The following FLRT2 variants were observed in gnomAD, a reference collection of about 807,000 sequenced individuals.
FLRT2 encodes leucine-rich repeat transmembrane protein FLRT2.
A neutral mutation model predicts 40.0 loss-of-function variants in FLRT2; 15 were observed. The ratio of observed to expected loss-of-function variants is 0.38; its 90% CI spans 0.25 to 0.58. The LOEUF (loss-of-function observed/expected upper bound fraction) is 0.58. Ranked by LOEUF, FLRT2 falls within the 20% of genes least tolerant of loss-of-function variation. The probability of loss-of-function intolerance (pLI) is 0.71; values close to 1 mark genes in which losing one functional copy is unlikely to be tolerated. For synonymous variants in FLRT2, 380 were observed against 336.8 expected (o/e 1.13, Z -1.41); for missense variants, 726 against 840.0 (o/e 0.86, Z 1.68).
At chr14:85,617,842 C>T (rs1409494749) in intron 1 of FLRT2, among the ~76,000 whole-genome samples, 2 of 151,924 alleles carry the variant, frequency 1.3e-5, no homozygotes, top group Admixed American at 6.6e-5. Context: ...TTGTCATAGC[C>T]GATCAACACA....
rs1056374311 is a variant in FLRT2, at chr14:85,648,990, T to C, written c.*25493T>C. The C allele has an allele frequency of 2.0e-5, 3 of 152,172 alleles. No homozygotes were observed. Among genetic ancestry groups the C allele is most frequent in the Non-Finnish European group, 2.9e-5 (2 of 68,030 alleles). The allele number at this position is 152,172 out of a possible 1,614,324, so 9.4% of individuals were successfully genotyped here. On this transcript the variant is annotated 3_prime_UTR_variant, in exon 2 of 2. Coordinates refer to ENST00000330753, the MANE Select transcript of FLRT2 (RefSeq NM_013231.6). ...ATAATTTACCAATTCCTTTGCATCATAGCACCCATGCAAAATATTTTGGCT... is the reference window on the plus strand; with the variant it reads ...ATAATTTACCAATTCCTTTGCATCACAGCACCCATGCAAAATATTTTGGCT...
At chr14:85,590,215 G>A (rs7494686) in intron 1 of FLRT2, among the ~76,000 whole-genome samples, 112,502 of 151,910 alleles carry the variant, frequency 0.74, 43,143 homozygotes, top group East Asian at 0.93. Context: ...TGTCTCCAAC[G>A]TTGCCAAATT....
In FLRT2 at chr14:85,651,277, G is replaced by C. The variant is rs1566776608; in HGVS notation, c.*27780G>C. ...TTCGTTTGTTTGTGTGTGTGTGTGT[G>C]TGTGTGTGTGTGTATTTGTTGTGAT... On this transcript the variant is annotated 3_prime_UTR_variant, in exon 2 of 2. Coordinates refer to ENST00000330753, the MANE Select transcript of FLRT2 (RefSeq NM_013231.6). 6.6e-6 allele frequency: 1 copy of C among 151,914 alleles called. No homozygotes were observed. The highest frequency in any genetic ancestry group is 2.4e-5 in the African/African-American group (1 of 41,364). The allele number at this position is 151,914 out of a possible 1,614,324, so 9.4% of individuals were successfully genotyped here.
At chr14:85,591,783 T>A (rs991584578) in intron 1 of FLRT2, among the ~76,000 whole-genome samples, 1 of 152,210 alleles carries the variant, frequency 6.6e-6, no homozygotes, top group Admixed American at 6.5e-5. Context: ...GGCAACTAAA[T>A]GTTTCTTCTT....
chr14:85,581,008 A>G (rs956808114), intron 1 of FLRT2, among the ~76,000 whole-genome samples: 4 of 152,172 alleles, frequency 2.6e-5, no homozygotes, highest in Non-Finnish European at 4.4e-5. Context: ...CATGTTTTAT[A>G]TATTAGCTGG....
In FLRT2 at chr14:85,634,925, A is replaced by C. The variant is rs553324075; in HGVS notation, c.*11428A>C. On this transcript the variant is annotated 3_prime_UTR_variant, in exon 2 of 2. Transcript: ENST00000330753. ...ATCTCCCAAGTTACTTTGGACCTTA[A>C]ATTCTGTTTTATGGTTGTTCATTTT... The C allele has an allele frequency of 1.0e-3, 156 of 152,256 alleles. No individual in the cohort carries two copies. The highest frequency in any genetic ancestry group is 3.5e-3 in the African/African-American group (146 of 41,550). 9.4% of individuals were successfully genotyped at this position (152,256 alleles called of 1,614,324 possible). A position where few individuals can be genotyped will look rare whatever the true frequency, so the allele number is the denominator to read the frequency against.
In FLRT2 at chr14:85,559,268, T is replaced by G. The variant is rs147351987; in HGVS notation, c.-377+28734T>G. The G allele has an allele frequency of 8.5e-3, 1,293 of 152,296 alleles. 7 individuals carry two copies. Among genetic ancestry groups the G allele is most frequent in the Non-Finnish European group, 0.014 (977 of 68,046 alleles). 9.4% of individuals were successfully genotyped at this position (152,296 alleles called of 1,614,324 possible). On this transcript the variant is annotated intron_variant, in intron 1 of 1. Transcript: ENST00000330753. The stretch of plus-strand genomic sequence containing the variant: ...GCTATGATGGGGGAGGCTGTGTACA[T>G]TGCAGCCTGAAAACAGAGTAGAAGA...
rs1251468574 is a variant in FLRT2, at chr14:85,636,409, C to CAA, written c.*12917_*12918dup. The CAA allele has an allele frequency of 3.5e-5, 3 of 84,970 alleles. No individual in the cohort carries two copies. Among genetic ancestry groups the CAA allele is most frequent in the African/African-American group, 7.6e-5 (2 of 26,176 alleles). 5.3% of individuals were successfully genotyped at this position (84,970 alleles called of 1,614,324 possible). Reference sequence around the variant, plus strand: ...CCTGCAGAAAAAAAAAAAAAAAAAACAAAAAACATTCTTATTAATCTTAAC... The same window carrying CAA: ...CCTGCAGAAAAAAAAAAAAAAAAAACAAAAAAAACATTCTTATTAATCTTAAC... On this transcript the variant is annotated 3_prime_UTR_variant, in exon 2 of 2. Coordinates refer to ENST00000330753, the MANE Select transcript of FLRT2 (RefSeq NM_013231.6).
At chr14:85,536,905 G>A (rs1171488725) in intron 1 of FLRT2, among the ~76,000 whole-genome samples, 1 of 152,188 alleles carries the variant, frequency 6.6e-6, no homozygotes, top group African/African-American at 2.4e-5. Flanking sequence ...CCAATGAAGG[G>A]ATTGTACAGT....
At chr14:85,557,226 C>T (rs2139836887) in intron 1 of FLRT2, among the ~76,000 whole-genome samples, 1 of 150,338 alleles carries the variant, frequency 6.7e-6, no homozygotes, top group South Asian at 2.1e-4. Flanking sequence ...AAGGTAGAAG[C>T]TTAAAAAACA....
In FLRT2 at chr14:85,646,312, CA is replaced by C. The variant is rs1346545706; in HGVS notation, c.*22817del. 1 of 152,118 alleles carries C rather than the reference CA, an allele frequency of 6.6e-6. No individual in the cohort carries two copies. The highest frequency in any genetic ancestry group is 1.5e-5 in the Non-Finnish European group (1 of 68,024). 9.4% of individuals were successfully genotyped at this position (152,118 alleles called of 1,614,324 possible). A position where few individuals can be genotyped will look rare whatever the true frequency, so the allele number is the denominator to read the frequency against. Reference sequence around the variant, plus strand: ...AAGATGTATGATCTGAATTAGTGGCCAATACCTGGCCCTTTTTGTCTGTAGT... The same window carrying C: ...AAGATGTATGATCTGAATTAGTGGCCATACCTGGCCCTTTTTGTCTGTAGT... On this transcript the variant is annotated 3_prime_UTR_variant, in exon 2 of 2. Transcript: ENST00000330753.
rs780990732 is a variant in FLRT2, at chr14:85,626,821, C to G, written c.*3324C>G. ...TCCCTGAGGTTAAAAACAAAAAGTA[C>G]GTGACCAGTCTGGTAAGAAGTATTA... On this transcript the variant is annotated 3_prime_UTR_variant, in exon 2 of 2. Transcript: ENST00000330753. The G allele has an allele frequency of 1.2e-5, 2 of 167,086 alleles. No individual in the cohort carries two copies. Among genetic ancestry groups the G allele is most frequent in the Non-Finnish European group, 2.9e-5 (2 of 68,116 alleles). 10.4% of individuals were successfully genotyped at this position (167,086 alleles called of 1,614,324 possible). A position where few individuals can be genotyped will look rare whatever the true frequency, so the allele number is the denominator to read the frequency against.
chr14:85,584,166 T>G (rs527579662), intron 1 of FLRT2, among the ~76,000 whole-genome samples: 1 of 152,288 alleles, frequency 6.6e-6, no homozygotes, highest in East Asian at 1.9e-4. Context: ...ACCTCTCTGT[T>G]TAAGCACTGG....
chr14:85,539,989 G>A (rs1888891999), intron 1 of FLRT2, among the ~76,000 whole-genome samples: 1 of 152,214 alleles, frequency 6.6e-6, no homozygotes, highest in East Asian at 1.9e-4. Context: ...CCATTTTAAG[G>A]ATAAATGATA....
At chr14:85,569,742 A>G (rs1288589810) in intron 1 of FLRT2, among the ~76,000 whole-genome samples, 1 of 152,248 alleles carries the variant, frequency 6.6e-6, no homozygotes, top group Non-Finnish European at 1.5e-5. Context: ...CAGTGATGAG[A>G]CAATAGCAGA....
chr14:85,603,640 G>A (rs1343158760), intron 1 of FLRT2, among the ~76,000 whole-genome samples: 2 of 152,046 alleles, frequency 1.3e-5, no homozygotes, highest in South Asian at 2.1e-4. Context: ...GAGGCTGGGC[G>A]GGCAGATCAC....
chr14:85,595,395 G>A (rs1324996847), intron 1 of FLRT2, among the ~76,000 whole-genome samples: 2 of 151,202 alleles, frequency 1.3e-5, no homozygotes, highest in African/African-American at 4.9e-5. Flanking sequence ...CTCACAAATG[G>A]GCTAGTAATA....
chr14:85,610,076 A>C (rs1468151605), intron 1 of FLRT2, among the ~76,000 whole-genome samples: 1 of 152,208 alleles, frequency 6.6e-6, no homozygotes, highest in Non-Finnish European at 1.5e-5. Flanking sequence ...ATAGAAGTCA[A>C]GAGACCCTTC....
intron 1 of FLRT2, among the ~76,000 whole-genome samples, chr14:85,543,563 T>C (rs1416626158): frequency 1.3e-5 from 2 of 152,062 alleles, no homozygotes; most frequent in Admixed American, 1.3e-4. Context: ...TCATATTCCT[T>C]TAGAAACCTA....
Sources: gnomAD v4.1 joint callset for allele counts (sites outside exome capture counted in the v4.1 genomes callset) on GRCh38, gnomAD v4.1.1 for gene constraint, MANE v1.5 for transcripts, NCBI Gene and HGNC (gene_info 2026-07-23, HGNC 2026-07-21) for gene names.